Variants in LUZP2 observed in about 807,000 individuals in gnomAD.
LUZP2 encodes leucine zipper protein 2.
Under a neutral mutation model 51.6 loss-of-function variants are expected in LUZP2, and 52 were observed. That is an observed-to-expected ratio of 1.01 (90% CI 0.81 to 1.27). The LOEUF is 1.27. Among genes scored for constraint, LUZP2 ranks in the 50% most tolerant of loss-of-function variants. The probability of loss-of-function intolerance (pLI) is 0.00; values close to 1 mark genes in which losing one functional copy is unlikely to be tolerated. For synonymous variants in LUZP2, 154 were observed against 137.3 expected (o/e 1.12, Z -0.85); for missense variants, 436 against 395.4 (o/e 1.10, Z -0.87).
intron 1 of LUZP2, among the ~76,000 whole-genome samples, chr11:24,610,439 C>T (rs1241752016): frequency 2.0e-5 from 3 of 152,156 alleles, no homozygotes; most frequent in African/African-American, 7.2e-5. Context: ...CGTTAAGGAA[C>T]TGTGATTAGA....
rs896867600 is a variant in LUZP2 at position 24,783,618 on chromosome 11, C to T, written c.396+20310C>T. Among the ~76,000 whole-genome samples, 12 of 152,002 alleles carry T rather than the reference C, an allele frequency of 7.9e-5. 1 individual carries two copies. In the South Asian group the frequency reaches 2.5e-3, roughly 32 times the overall value. On this transcript the variant is annotated intron_variant, in intron 5 of 11. Coordinates refer to ENST00000336930, the MANE Select transcript of LUZP2 (RefSeq NM_001009909.4). ...TTATTTTATTTCATACATGAATCTG[C>T]AACCTTCAACTTCTGTGGAGGACTC...
chr11:24,900,255 C>A (rs1853234640), intron 5 of LUZP2, among the ~76,000 whole-genome samples: 1 of 152,096 alleles, frequency 6.6e-6, no homozygotes, highest in Non-Finnish European at 1.5e-5. Context: ...CTAAATGAGA[C>A]TTTACAGGAC....
At chr11:24,899,801 G>A (rs11824624) in intron 5 of LUZP2, among the ~76,000 whole-genome samples, 12,911 of 152,060 alleles carry the variant, frequency 0.085, 1,761 homozygotes, top group African/African-American at 0.29. Flanking sequence ...ATTTCATGAA[G>A]CAATAACTGA....
chr11:25,016,613 C>G (rs76978406), intron 9 of LUZP2, among the ~76,000 whole-genome samples: 2 of 141,766 alleles, frequency 1.4e-5, no homozygotes, highest in East Asian at 2.6e-4. Context: ...TACAAACACA[C>G]GTGTTACATA....
chr11:24,978,151 G>C (rs1307363129), intron 8 of LUZP2, among the ~76,000 whole-genome samples: 1 of 151,536 alleles, frequency 6.6e-6, no homozygotes, highest in African/African-American at 2.4e-5. Context: ...CCCCTATTTT[G>C]TGAATTAGAT....
At chr11:24,541,886 A>G (rs1403279522) in intron 1 of LUZP2, among the ~76,000 whole-genome samples, 4 of 149,778 alleles carry the variant, frequency 2.7e-5, no homozygotes, top group Admixed American at 1.3e-4. Context: ...CCTCAGCATA[A>G]CTTCTTACTT....
At chr11:24,893,290 A>C (rs941850332) in intron 5 of LUZP2, 1 of 152,170 alleles carries the variant, frequency 6.6e-6, no homozygotes, top group Non-Finnish European at 1.5e-5. Flanking sequence ...AATCAGACAG[A>C]TTCGATTTTT....
chr11:24,810,635 T>C (rs1326443312), intron 5 of LUZP2, among the ~76,000 whole-genome samples: 1 of 152,130 alleles, frequency 6.6e-6, no homozygotes, highest in African/African-American at 2.4e-5. Flanking sequence ...ACAAGTAAGA[T>C]AGGTGTATAG....
intron 7 of LUZP2, among the ~76,000 whole-genome samples, chr11:24,932,666 T>C (rs189651869): frequency 6.6e-6 from 1 of 152,032 alleles, no homozygotes; most frequent in South Asian, 2.1e-4. Flanking sequence ...CTCAACATCA[T>C]CAAATTTATA....
chr11:24,601,550 A>G (rs1433878476), intron 1 of LUZP2, among the ~76,000 whole-genome samples: 1 of 151,912 alleles, frequency 6.6e-6, no homozygotes, highest in East Asian at 1.9e-4. Context: ...AAACAAATAC[A>G]TTTCTAATGA....
intron 1 of LUZP2, among the ~76,000 whole-genome samples, chr11:24,521,862 G>T (rs1378962632): frequency 6.6e-6 from 1 of 152,038 alleles, no homozygotes; most frequent in African/African-American, 2.4e-5. Context: ...ACATGTTTAT[G>T]GAGGAATGAT....
chr11:24,522,328 G>C (rs1407899057), intron 1 of LUZP2, among the ~76,000 whole-genome samples: 1 of 147,326 alleles, frequency 6.8e-6, no homozygotes, highest in African/African-American at 2.6e-5. Flanking sequence ...GTCTTAGATT[G>C]CTTTTTTTTT....
At chr11:25,004,077 G>A (rs1025484671) in intron 9 of LUZP2, among the ~76,000 whole-genome samples, 2 of 152,056 alleles carry the variant, frequency 1.3e-5, no homozygotes, top group South Asian at 2.1e-4. Flanking sequence ...GCCCTCAATG[G>A]TTAAACATAC....
chr11:24,555,695 G>T (rs78258092), intron 1 of LUZP2, among the ~76,000 whole-genome samples: 1 of 152,136 alleles, frequency 6.6e-6, no homozygotes, highest in Non-Finnish European at 1.5e-5. Flanking sequence ...GTTATCCAAG[G>T]CTGGCCATGG....
At chr11:24,882,626 C>T (rs1363739336) in intron 5 of LUZP2, among the ~76,000 whole-genome samples, 4 of 151,716 alleles carry the variant, frequency 2.6e-5, no homozygotes, top group African/African-American at 7.3e-5. Context: ...TCTTAACCTT[C>T]GGTAAGTTTC....
chr11:24,672,786 A>G (rs891576368), intron 1 of LUZP2, among the ~76,000 whole-genome samples: 8 of 152,216 alleles, frequency 5.3e-5, no homozygotes, highest in African/African-American at 1.9e-4. Context: ...AAACCTGTAC[A>G]GCACATTGCT....
chr11:24,551,740 G>A (rs1188910723), intron 1 of LUZP2, among the ~76,000 whole-genome samples: 1 of 151,994 alleles, frequency 6.6e-6, no homozygotes. Context: ...TAAAGGTATG[G>A]AAGAATAAAG....
At chr11:24,897,259 A>C (rs906043451) in intron 5 of LUZP2, among the ~76,000 whole-genome samples, 1 of 152,218 alleles carries the variant, frequency 6.6e-6, no homozygotes, top group Non-Finnish European at 1.5e-5. Flanking sequence ...GCCAATCAGC[A>C]GGATGCAGGT....
intron 1 of LUZP2, among the ~76,000 whole-genome samples, chr11:24,705,481 T>C (rs935509276): frequency 6.6e-6 from 1 of 152,226 alleles, no homozygotes; most frequent in African/African-American, 2.4e-5. Flanking sequence ...TTGGTTTCAA[T>C]GCTGCTGAAA....
Sources: allele counts gnomAD v4.1 joint callset (sites outside exome capture counted in the v4.1 genomes callset), GRCh38; gene constraint gnomAD v4.1.1; transcripts MANE v1.5; gene names NCBI Gene and HGNC (gene_info 2026-07-23, HGNC 2026-07-21).